The following NOTCH3 variants were observed in gnomAD, a reference collection of about 807,000 sequenced individuals.
NOTCH3 encodes notch receptor 3.
In NOTCH3, 86 loss-of-function variants were observed where a neutral mutation model predicts 213.3. The ratio of observed to expected loss-of-function variants is 0.40; its 90% CI spans 0.34 to 0.48. The LOEUF is 0.48. Ranked by LOEUF, NOTCH3 falls within the 20% of genes least tolerant of loss-of-function variation. The pLI is 0.57. For missense variants in NOTCH3, 2,783 were observed against 3,272.6 expected (o/e 0.85, Z 3.65); for synonymous variants, 1,354 against 1,355.9 (o/e 1.00, Z 0.03).
At chr19:15,197,718 C>T (rs2145451688) in intron 1 of NOTCH3, 140 bp from the exon 2 acceptor site, 2 of 606,090 alleles carry the variant, frequency 3.3e-6, no homozygotes, top group Middle Eastern at 4.8e-4. Context: ...GGAGTCCCCC[C>T]ATCCACAGTT....
intron 6 of NOTCH3, among the ~76,000 whole-genome samples, chr19:15,190,026 G>A (rs181151857): frequency 1.2e-4 from 19 of 152,112 alleles, no homozygotes; most frequent in African/African-American, 4.6e-4. Context: ...TATAATCCTA[G>A]CACTTTGGGA....
In NOTCH3 at chr19:15,178,824, TGGGCACA is replaced by T; in HGVS notation, c.3829_3835del (p.Cys1277SerfsTer141). 1 of 1,591,654 alleles carries T rather than the reference TGGGCACA, an allele frequency of 6.3e-7. No individual in the cohort carries two copies. Among genetic ancestry groups the T allele is most frequent in the Non-Finnish European group, 8.6e-7 (1 of 1,168,536 alleles). ...CCAAAGGCCGCCACCCACACCTACC[TGGGCACA>T]GTGACAGGTGAAGGTCAGCCCACCC... On this transcript the variant is annotated frameshift_variant and splice_region_variant, in exon 23 of 33. Coordinates refer to ENST00000263388, the MANE Select transcript of NOTCH3 (RefSeq NM_000435.3). LOFTEE classifies it high-confidence loss of function.
At position 15,189,404 on chromosome 19, in the gene NOTCH3, G is replaced by T; in HGVS notation, c.1061C>A (p.Ala354Asp). 6.2e-7 allele frequency: 1 copy of T among 1,613,846 alleles called. No homozygotes were observed. The highest frequency in any genetic ancestry group is 8.5e-7 in the Non-Finnish European group (1 of 1,180,030). The change falls in exon 7 of 33, where the codon GCC (alanine) becomes GAC (aspartate). Residue 354 changes from alanine (A) to aspartate (D), a missense_variant. This residue lies in a region of NOTCH3 where 708 missense variants were observed against 906.6 expected (regional missense o/e 0.78). Transcript: ENST00000263388. The part of the protein sequence containing the change: ...KTGLLCHLDD[A>D]CVSNPCHEDA... ...CTCGTGGCAGGGGTTGCTGACACAG[G>T]CGTCATCCAGGTGACACAGGAGGCC...
At position 15,170,163 on chromosome 19, in the gene NOTCH3, C is replaced by T; in HGVS notation, c.5122G>A (p.Ala1708Thr). Residue 1708 changes from alanine (A) to threonine (T), a missense_variant, in exon 28 of 33, where the codon GCC becomes ACC. This residue lies in a region of NOTCH3 where 636 missense variants were observed against 801.8 expected (regional missense o/e 0.79). Coordinates refer to ENST00000263388, the MANE Select transcript of NOTCH3 (RefSeq NM_000435.3). ...TCCCCCATCAGGCTCTCACCCTTGG[C>T]CATGTTCCTGGCGGACAATGGGAAG... is the stretch of plus-strand genomic sequence containing the variant. Reference protein sequence around the residue: ...GQDALGMKNMAKGESLMGEVA... With the variant: ...GQDALGMKNMTKGESLMGEVA... 1 of 1,603,596 alleles carries T rather than the reference C, an allele frequency of 6.2e-7. No individual in the cohort carries two copies. Among genetic ancestry groups the T allele is most frequent in the Non-Finnish European group, 8.5e-7 (1 of 1,174,506 alleles).
At chr19:15,164,198 A>C (rs1387725931) in intron 31 of NOTCH3, among the ~76,000 whole-genome samples, 1 of 150,176 alleles carries the variant, frequency 6.7e-6, no homozygotes, top group East Asian at 2.0e-4. Context: ...ATTGTATGGC[A>C]TGTTAATTAT....
intron 2 of NOTCH3, among the ~76,000 whole-genome samples, chr19:15,194,098 G>C (rs2046952383): frequency 6.6e-6 from 1 of 151,628 alleles, no homozygotes; most frequent in African/African-American, 2.4e-5. Context: ...AAAAATAAAA[G>C]ATTAGCTGGC....
chr19:15,193,931 A>C (rs1333495043), intron 2 of NOTCH3, among the ~76,000 whole-genome samples: 3 of 149,768 alleles, frequency 2.0e-5, no homozygotes, highest in Admixed American at 6.7e-5. Context: ...AAAATACAAA[A>C]ATTAGCTGGG....
intron 2 of NOTCH3, 46 bp downstream of exon 2, chr19:15,197,446 TCCCCCCCG>T: frequency 2.2e-6 from 1 of 460,716 alleles, no homozygotes; most frequent in Non-Finnish European, 4.2e-6. Context: ...AAATCGCCCC[TCCCCCCCG>T]CCCCCACACA....
At chr19:15,193,249 T>C (rs532978969) in intron 2 of NOTCH3, among the ~76,000 whole-genome samples, 30 of 151,740 alleles carry the variant, frequency 2.0e-4, no homozygotes, top group African/African-American at 7.2e-4. Flanking sequence ...AATTTTTTTT[T>C]TTTAAGAGAC....
Position 15,167,392 on chromosome 19 carries a change from C to T in NOTCH3, c.5219G>A (p.Gly1740Glu). The change falls in exon 29 of 33, where the codon GGG (glycine) becomes GAG (glutamate). Residue 1740 changes from glycine (G) to glutamate (E), a missense_variant. By Grantham distance (98) the Gly-to-Glu change is moderately conservative. Transcript: ENST00000263388. Reference sequence around the variant, plus strand: ...ACGGCAATCCACAGCCTCCTCAGCCCCCATGCCTGGCTCCTCTACCTGGAG... The same window carrying T: ...ACGGCAATCCACAGCCTCCTCAGCCTCCATGCCTGGCTCCTCTACCTGGAG... ...KRLKVEEPGMGAEEAVDCRQW... is the reference protein window; with the variant it reads ...KRLKVEEPGMEAEEAVDCRQW... 6.2e-7 allele frequency: 1 copy of T among 1,607,544 alleles called. No homozygotes were observed. The highest frequency in any genetic ancestry group is 1.1e-5 in the South Asian group (1 of 91,032).
intron 24 of NOTCH3, among the ~76,000 whole-genome samples, chr19:15,176,330 G>A (rs1273210300): frequency 5.9e-5 from 9 of 151,780 alleles, no homozygotes; most frequent in Non-Finnish European, 8.8e-5. Context: ...CACCACACCC[G>A]GCTAATTTTG....
Position 15,192,508 on chromosome 19 carries a change from C to T in NOTCH3, c.209G>A (p.Gly70Asp), listed in dbSNP as rs1174452738. The change falls in exon 3 of 33, where the codon GGC (glycine) becomes GAC (aspartate). Residue 70 changes from glycine (G) to aspartate (D), a missense_variant. This residue lies in a region of NOTCH3 where 708 missense variants were observed against 906.6 expected (regional missense o/e 0.78). Coordinates refer to ENST00000263388, the MANE Select transcript of NOTCH3 (RefSeq NM_000435.3). ...CAGCTGACACCGCTCACCCACCCAG[C>T]CAGGCGGGCACCTGTGGGCAGAGAT... is the stretch of plus-strand genomic sequence containing the variant. ...SREAACLCPPGWVGERCQLED... is the reference protein window; with the variant it reads ...SREAACLCPPDWVGERCQLED... 2.5e-6 allele frequency: 4 copies of T among 1,589,884 alleles called. No individual in the cohort carries two copies. The highest frequency in any genetic ancestry group is 3.4e-6 in the Non-Finnish European group (4 of 1,168,886).
Position 15,161,304 on chromosome 19 carries a change from C to A in NOTCH3, c.6324G>T (p.Pro2108=). 6.5e-7 allele frequency: 1 copy of A among 1,532,462 alleles called. No individual in the cohort carries two copies. Among genetic ancestry groups the A allele is most frequent in the South Asian group, 1.2e-5 (1 of 81,606 alleles). The allele number at this position is 1,532,462 out of a possible 1,614,324, so 94.9% of individuals were successfully genotyped here. A position where few individuals can be genotyped will look rare whatever the true frequency, so the allele number is the denominator to read the frequency against. Reference sequence around the variant, plus strand: ...AAGCAGGGGGCCCACCGAAAGGCCGCGGGGAGTCCAGCGAGTCCACGGGCG... The same window carrying A: ...AAGCAGGGGGCCCACCGAAAGGCCGAGGGGAGTCCAGCGAGTCCACGGGCG... The part of the protein sequence containing the change: ...TLSPVDSLDS[P]RPFGGPPASP... The change falls in exon 33 of 33, where the codon CCG becomes CCT. Residue 2108 remains proline, a synonymous_variant. Coordinates refer to ENST00000263388, the MANE Select transcript of NOTCH3 (RefSeq NM_000435.3).
At chr19:15,199,934 C>A (rs2046998297) in intron 1 of NOTCH3, among the ~76,000 whole-genome samples, 1 of 152,026 alleles carries the variant, frequency 6.6e-6, no homozygotes, top group South Asian at 2.1e-4. Flanking sequence ...CCCTCCCCGG[C>A]CCAGCCGCGG....
Position 15,187,220 on chromosome 19 carries a change from C to T in NOTCH3, c.1725G>A (p.Thr575=), listed in dbSNP as rs79926127. The change falls in exon 11 of 33, where the codon ACG becomes ACA. Residue 575 remains threonine, a synonymous_variant. Transcript: ENST00000263388. ...CCACCTGGCTCTCGCAGCGTGTGCCCGTGTAGCCAGGAGCACAGGCACATG... is the reference window on the plus strand; with the variant it reads ...CCACCTGGCTCTCGCAGCGTGTGCCTGTGTAGCCAGGAGCACAGGCACATG... ...SFSCACAPGY[T]GTRCESQVDE... 14,161 of 1,614,070 alleles carry T rather than the reference C, an allele frequency of 8.8e-3. 74 individuals carry two copies. The highest frequency in any genetic ancestry group is 0.013 in the Middle Eastern group (79 of 6,062).
At position 15,165,790 on chromosome 19, in the gene NOTCH3, G is replaced by A. The variant is rs752257634; in HGVS notation, c.5664C>T (p.Phe1888=). The change falls in exon 30 of 33, where the codon TTC becomes TTT. Residue 1888 remains phenylalanine, a synonymous_variant. Coordinates refer to ENST00000263388, the MANE Select transcript of NOTCH3 (RefSeq NM_000435.3). This position sits in a 1 kb window ranked among gnomAD's most constrained non-coding sequence, Gnocchi z 4.7. ...CCAAAGTGTGTGCCTATCTCACCTG[G>A]AAGACACCCTGGGCATCGGCTGTGA... ...TAVTADAQGV[F]QILIRNRSTD... 3 of 1,611,912 alleles carry A rather than the reference G, an allele frequency of 1.9e-6. No homozygotes were observed. Among genetic ancestry groups the A allele is most frequent in the Admixed American group, 1.7e-5 (1 of 60,020 alleles).
chr19:15,187,258 T>G lies in NOTCH3; in HGVS notation c.1687A>C (p.Ile563Leu). ...GCACAGGCACATGAGAAGCTGGCGA[T>G]GCCATCCACGCAGCGACCATGGTGG... The part of the protein sequence containing the change: ...PCHHGRCVDG[I>L]ASFSCACAPG... Residue 563 changes from isoleucine to leucine, a missense_variant, in exon 11 of 33, where the codon ATC (isoleucine) becomes CTC (leucine). By Grantham distance (5) the Ile-to-Leu change is conservative. Transcript: ENST00000263388. 2 of 1,614,116 alleles carry G rather than the reference T, an allele frequency of 1.2e-6. No individual in the cohort carries two copies. The highest frequency in any genetic ancestry group is 1.7e-6 in the Non-Finnish European group (2 of 1,180,026).
rs377689004 is a variant in NOTCH3, at chr19:15,186,910, C to T, written c.1919G>A (p.Arg640His). 2.4e-5 allele frequency: 39 copies of T among 1,614,078 alleles called. No homozygotes were observed. Among genetic ancestry groups the T allele is most frequent in the Middle Eastern group, 3.3e-4 (2 of 6,084 alleles). The change falls in exon 12 of 33, where the codon CGC (arginine) becomes CAC (histidine). Residue 640 changes from arginine to histidine, a missense_variant. Arg to His is a conservative substitution (Grantham distance 29). This residue lies in a region of NOTCH3 where 708 missense variants were observed against 906.6 expected (regional missense o/e 0.78). Coordinates refer to ENST00000263388, the MANE Select transcript of NOTCH3 (RefSeq NM_000435.3). ...TFGVCRDGIN[R>H]YDCVCQPGFT... ...GCCAGGTTGGCAGACACAGTCGTAG[C>T]GGTTGATGCCATCACGGCAGACTCC...
intron 27 of NOTCH3, 44 bp downstream of exon 27, chr19:15,170,287 C>A (rs753171830): frequency 6.3e-7 from 1 of 1,585,314 alleles, no homozygotes; most frequent in Non-Finnish European, 8.7e-7. Context: ...CCAGGGTTCA[C>A]AAGGTCCCCG....
Sources: gnomAD v4.1 joint callset for allele counts (sites outside exome capture counted in the v4.1 genomes callset) on GRCh38, gnomAD v4.1.1 for gene constraint, gnomAD v4.1.1 regional missense constraint, Gnocchi (gnomAD v3.1) non-coding constraint, MANE v1.5 for transcripts, NCBI Gene and HGNC (gene_info 2026-07-23, HGNC 2026-07-21) for gene names.